Variants in CAPS2 observed in about 807,000 individuals in gnomAD.
CAPS2 encodes the protein calcyphosin-2.
Under a neutral mutation model 86.5 loss-of-function variants are expected in CAPS2, and 98 were observed. The ratio of observed to expected loss-of-function variants is 1.13; its 90% CI spans 0.96 to 1.34. The LOEUF is 1.34. CAPS2 is among the 40% of genes most tolerant of loss of function. The pLI is 0.00. For missense variants in CAPS2, 729 were observed against 686.8 expected (o/e 1.06, Z -0.69); for synonymous variants, 210 against 225.1 (o/e 0.93, Z 0.60).
At chr12:75,308,681 G>A (rs1414889113) in intron 7 of CAPS2, among the ~76,000 whole-genome samples, 2 of 151,962 alleles carry the variant, frequency 1.3e-5, no homozygotes, top group African/African-American at 4.8e-5. Flanking sequence ...AAATGAGGCA[G>A]GAAAATAGCA....
chr12:75,354,420 A>T (rs527341512), intron 1 of CAPS2, among the ~76,000 whole-genome samples: 1 of 150,768 alleles, frequency 6.6e-6, no homozygotes, highest in Non-Finnish European at 1.5e-5. Context: ...GAATACAGCT[A>T]AAAAAAAAGT....
At chr12:75,308,819 T>TA (rs889918350) in intron 7 of CAPS2, among the ~76,000 whole-genome samples, 13 of 130,506 alleles carry the variant, frequency 1.0e-4, no homozygotes, top group African/African-American at 3.2e-4. Context: ...AAAGTGAGAT[T>TA]AAAAAAAATG....
chr12:75,282,091 T>A (rs750609568), intron 16 of CAPS2, among the ~76,000 whole-genome samples, 160 bp downstream of exon 16: 6 of 152,150 alleles, frequency 3.9e-5, no homozygotes, highest in Non-Finnish European at 1.5e-5. Context: ...CCTAAGAATT[T>A]TTAAATGAAG....
chr12:75,365,767 T>C (rs1339138492), intron 1 of CAPS2, among the ~76,000 whole-genome samples: 3 of 152,138 alleles, frequency 2.0e-5, no homozygotes, highest in Non-Finnish European at 2.9e-5. Context: ...TTAACCATTT[T>C]TATACCCTAT....
At chr12:75,299,260 A>C (rs780378561) in intron 9 of CAPS2, among the ~76,000 whole-genome samples, 2 of 152,212 alleles carry the variant, frequency 1.3e-5, no homozygotes, top group Non-Finnish European at 2.9e-5. Context: ...ATTATCTTTA[A>C]AAGTGTTGAG....
At chr12:75,292,120 G>A (rs1237048866) in intron 12 of CAPS2, among the ~76,000 whole-genome samples, 3 of 152,138 alleles carry the variant, frequency 2.0e-5, no homozygotes, top group African/African-American at 7.2e-5. Context: ...AGGCTGGAGT[G>A]CAGTGGCGAG....
chr12:75,351,044 C>A (rs575229452), intron 1 of CAPS2, among the ~76,000 whole-genome samples: 1 of 152,232 alleles, frequency 6.6e-6, no homozygotes, highest in South Asian at 2.1e-4. Context: ...AAGAACTTCA[C>A]AATGCAATCA....
intron 1 of CAPS2, chr12:75,370,059 T>C (rs1450395743): frequency 1.4e-6 from 2 of 1,442,622 alleles, no homozygotes; most frequent in Admixed American, 3.4e-5. Flanking sequence ...TCTTAACTAT[T>C]CTGGTTTTGT....
At chr12:75,320,766 G>A (rs927135888) in intron 5 of CAPS2, among the ~76,000 whole-genome samples, 10 of 151,656 alleles carry the variant, frequency 6.6e-5, no homozygotes, top group African/African-American at 2.4e-4. Flanking sequence ...CTTCTTTATG[G>A]CCACTAGTAT....
chr12:75,304,666 C>T (rs2038226504), intron 8 of CAPS2, 91 bp downstream of exon 8: 3 of 984,322 alleles, frequency 3.0e-6, no homozygotes, highest in Non-Finnish European at 4.2e-6. Context: ...GTGAAACAAA[C>T]ACAAAAGCTC....
chr12:75,329,682 G>T, upstream of CAPS2: 1 of 470,160 alleles, frequency 2.1e-6, no homozygotes, highest in South Asian at 7.6e-5. Flanking sequence ...CATGAAGGTA[G>T]GGACCAAGTC....
upstream of CAPS2, chr12:75,334,966 A>G: frequency 6.8e-7 from 1 of 1,470,112 alleles, no homozygotes; most frequent in Non-Finnish European, 9.3e-7. Context: ...TGGGTGATAA[A>G]TTTCACGGAC....
At chr12:75,307,401 A>T (rs2038632717) in intron 7 of CAPS2, among the ~76,000 whole-genome samples, 1 of 152,228 alleles carries the variant, frequency 6.6e-6, no homozygotes, top group East Asian at 1.9e-4. Context: ...GTGGCATTGC[A>T]ATGGGCTAGA....
intron 7 of CAPS2, among the ~76,000 whole-genome samples, chr12:75,308,452 T>C (rs2038766295): frequency 6.6e-6 from 1 of 152,202 alleles, no homozygotes; most frequent in African/African-American, 2.4e-5. Flanking sequence ...GCTCCCACCC[T>C]GTGGAGTATA....
At chr12:75,375,689 C>T (rs1436239296) in intron 1 of CAPS2, among the ~76,000 whole-genome samples, 1 of 152,190 alleles carries the variant, frequency 6.6e-6, no homozygotes, top group Non-Finnish European at 1.5e-5. Context: ...ATGCTGTAGG[C>T]TTCCTATCAA....
intron 16 of CAPS2, among the ~76,000 whole-genome samples, chr12:75,279,967 T>C (rs117665079): frequency 0.035 from 5,267 of 151,970 alleles, 129 homozygotes; most frequent in East Asian, 0.067. Flanking sequence ...ATATTTCAAA[T>C]AGCGAAGAAT....
chr12:75,289,799 A>C (rs1353811915), intron 13 of CAPS2, 24 bp from the exon 14 acceptor site: 1 of 1,578,650 alleles, frequency 6.3e-7, no homozygotes, highest in Admixed American at 1.7e-5. Flanking sequence ...AGAGAGATGA[A>C]AACAAATTGT....
exon 10 of CAPS2, chr12:75,298,947 T>C (rs754683880): frequency 2.5e-6 from 4 of 1,601,978 alleles, no homozygotes. Context: ...ATGAGCTCTC[T>C]GCAAGCATCA....
At chr12:75,362,639 T>G (rs1452297719) in intron 1 of CAPS2, among the ~76,000 whole-genome samples, 1 of 152,140 alleles carries the variant, frequency 6.6e-6, no homozygotes, top group African/African-American at 2.4e-5. Flanking sequence ...CTTTGAAAAA[T>G]TTATGACTTA....
Sources: allele counts gnomAD v4.1 joint callset (sites outside exome capture counted in the v4.1 genomes callset), GRCh38; gene constraint gnomAD v4.1.1; transcripts MANE v1.5; gene names NCBI Gene and HGNC (gene_info 2026-07-23, HGNC 2026-07-21).